CFAP99: variants seen among roughly 807,000 people sequenced by gnomAD.
CFAP99 encodes the protein cilia and flagella associated protein 99.
In CFAP99, 84 loss-of-function variants were observed where a neutral mutation model predicts 82.7. That is an observed-to-expected ratio of 1.02 (90% CI 0.85 to 1.22). The LOEUF is 1.22. Ranked by LOEUF, CFAP99 falls within the 50% of genes most tolerant of loss-of-function variation. The pLI is 0.00. For missense variants in CFAP99, 1,059 were observed against 983.5 expected (o/e 1.08, Z -1.03); for synonymous variants, 456 against 429.5 (o/e 1.06, Z -0.76).
intron 6 of CFAP99, among the ~76,000 whole-genome samples, chr4:2,447,945 A>C (rs868533067): frequency 1.4e-5 from 2 of 147,256 alleles, no homozygotes; most frequent in African/African-American, 5.2e-5. Flanking sequence ...GGATGGATGG[A>C]TGGATGGATG....
intron 4 of CFAP99, among the ~76,000 whole-genome samples, chr4:2,439,508 A>G (rs1379650564): frequency 1.3e-5 from 2 of 152,186 alleles, no homozygotes; most frequent in South Asian, 2.1e-4. Context: ...TTGCAGCCCC[A>G]TAGACCTGGG....
intron 11 of CFAP99, among the ~76,000 whole-genome samples, chr4:2,454,594 G>GTTTTTTTTTTTTTTT (rs1204498727): frequency 1.1e-4 from 9 of 84,524 alleles, no homozygotes; most frequent in East Asian, 4.1e-4. Context: ...TTTTTTTTTT[G>GTTTTTTTTTTTTTTT]TTTTTTTTTT....
intron 11 of CFAP99, 63 bp downstream of exon 11, chr4:2,452,409 C>A: frequency 6.7e-7 from 1 of 1,497,276 alleles, no homozygotes; most frequent in Non-Finnish European, 9.0e-7. Flanking sequence ...CCACCGGGAG[C>A]TGCAGGGCCA....
At position 2,462,890 on chromosome 4, in the gene CFAP99, A is replaced by G; in HGVS notation, c.2109A>G (p.Ser703=). 1 of 1,359,194 alleles carries G rather than the reference A, an allele frequency of 7.4e-7. No individual in the cohort carries two copies. Among genetic ancestry groups the G allele is most frequent in the Non-Finnish European group, 9.5e-7 (1 of 1,057,938 alleles). 84.2% of individuals were successfully genotyped at this position (1,359,194 alleles called of 1,614,324 possible). Residue 703 remains serine, a synonymous_variant, in exon 15 of 15, where the codon TCA becomes TCG. Transcript: ENST00000635017. The surrounding 1 kb of genome is among the most constrained non-coding windows in gnomAD (Gnocchi z 4.1). ...TGCAGGCGCTGCAGCAGGGAGGCTC[A>G]GGACCCGGGCCCGCGCGCCGCCTGG... is the stretch of plus-strand genomic sequence containing the variant.
chr4:2,449,640 C>A, intron 6 of CFAP99, 30 bp from the exon 7 acceptor site: 2 of 1,533,296 alleles, frequency 1.3e-6, no homozygotes, highest in South Asian at 2.4e-5. Flanking sequence ...AGCTGCTGAC[C>A]ATAGGCTCTT....
intron 2 of CFAP99, among the ~76,000 whole-genome samples, chr4:2,436,547 C>T (rs1255279071): frequency 6.6e-6 from 1 of 152,196 alleles, no homozygotes; most frequent in Non-Finnish European, 1.5e-5. Flanking sequence ...CCCGCTGGCC[C>T]CTGGCACTCT....
At chr4:2,460,831 C>T (rs1057471084) in intron 14 of CFAP99, among the ~76,000 whole-genome samples, 4 of 152,140 alleles carry the variant, frequency 2.6e-5, no homozygotes, top group African/African-American at 9.7e-5. Flanking sequence ...CTCACTGCAA[C>T]CTCTGCCTCC....
intron 6 of CFAP99, among the ~76,000 whole-genome samples, chr4:2,447,485 GTGAA>G (rs1194169116): frequency 2.7e-5 from 4 of 148,800 alleles, no homozygotes; most frequent in African/African-American, 9.9e-5. Context: ...GGATGGGTAA[GTGAA>G]TGAATGGATG....
At chr4:2,459,938 G>A (rs1043556960) in intron 13 of CFAP99, 99 bp from the exon 14 acceptor site, 2 of 1,059,912 alleles carry the variant, frequency 1.9e-6, no homozygotes, top group Non-Finnish European at 2.8e-6. Flanking sequence ...GAGGGAAGGT[G>A]GGCAAGGGGT....
intron 13 of CFAP99, 47 bp from the exon 14 acceptor site, chr4:2,459,990 G>A (rs1365418276): frequency 7.9e-6 from 12 of 1,514,158 alleles, no homozygotes; most frequent in Non-Finnish European, 9.7e-6. Flanking sequence ...GGAAGCATCG[G>A]GGCCCAGCAC....
intron 2 of CFAP99, among the ~76,000 whole-genome samples, chr4:2,431,782 G>C (rs575675504): frequency 6.6e-6 from 1 of 151,610 alleles, no homozygotes; most frequent in South Asian, 2.1e-4. Flanking sequence ...CTAGGTTGCA[G>C]TACAGCTCAT....
chr4:2,437,163 C>T lies in CFAP99; in HGVS notation c.256+145C>T, dbSNP rs1201442441. 3 of 993,568 alleles carry T rather than the reference C, an allele frequency of 3.0e-6. No homozygotes were observed. In the East Asian group the frequency reaches 7.8e-5, roughly 26 times the overall value. The allele number at this position is 993,568 out of a possible 1,614,324, so 61.5% of individuals were successfully genotyped here. A position where few individuals can be genotyped will look rare whatever the true frequency, so the allele number is the denominator to read the frequency against. On this transcript the variant is annotated intron_variant, in intron 3 of 14. Coordinates refer to ENST00000635017, the Ensembl canonical transcript of CFAP99. ...CACTGGAGGCTTCCCGGCTCCTCAC[C>T]TCACTTGGTCCTTACCAGGCGGACC...
At chr4:2,451,272 C>T in exon 10 of CFAP99, 1 of 1,536,076 alleles carries the variant, frequency 6.5e-7, no homozygotes, top group East Asian at 2.4e-5. Context: ...AGCCTGACAA[C>T]ATCCTGGTCA....
At chr4:2,435,229 G>A (rs1335453519) in intron 2 of CFAP99, among the ~76,000 whole-genome samples, 2 of 151,280 alleles carry the variant, frequency 1.3e-5, no homozygotes, top group South Asian at 2.1e-4. Context: ...CCCAGGAGGC[G>A]GAGGTTGCAG....
chr4:2,425,223 C>T (rs958256648), intron 1 of CFAP99, among the ~76,000 whole-genome samples: 1 of 152,154 alleles, frequency 6.6e-6, no homozygotes, highest in East Asian at 1.9e-4. Context: ...CCTTGTGCAT[C>T]GTTTTCTCCT....
chr4:2,460,121 A>G lies in CFAP99; in HGVS notation c.1540A>G (p.Lys514Glu), dbSNP rs1734583935. Residue 514 changes from lysine (K) to glutamate (E), a missense_variant, in exon 14 of 15, where the codon AAG (lysine) becomes GAG (glutamate). Coordinates refer to ENST00000635017, the Ensembl canonical transcript of CFAP99. The stretch of plus-strand genomic sequence containing the variant: ...CCTGCTCAAAGAGAATCAGCGGCGC[A>G]AGGAGGAAGAAAAGCGGGATCAAAT... 6.5e-7 allele frequency: 1 copy of G among 1,536,094 alleles called. No individual in the cohort carries two copies. The highest frequency in any genetic ancestry group is 8.7e-7 in the Non-Finnish European group (1 of 1,146,900).
At position 2,462,457 on chromosome 4, in the gene CFAP99, A is replaced by T. The variant is rs561635965; in HGVS notation, c.1676A>T (p.Lys559Met). The T allele has an allele frequency of 1.4e-6, 2 of 1,462,092 alleles. No homozygotes were observed. The highest frequency in any genetic ancestry group is 2.6e-5 in the Admixed American group (1 of 38,274). The allele number at this position is 1,462,092 out of a possible 1,614,324, so 90.6% of individuals were successfully genotyped here. The change falls in exon 15 of 15, where the codon AAG becomes ATG. Residue 559 changes from lysine to methionine, a missense_variant. Physicochemically the swap from Lys to Met is moderately conservative, Grantham distance 95. Transcript: ENST00000635017. This position sits in a 1 kb window ranked among gnomAD's most constrained non-coding sequence, Gnocchi z 4.1. ...TCGCCCGCCAGGTGGGAGGAAAAGA[A>T]GGCCCTTGCGGCGGCCCCGGCGGCG...
intron 14 of CFAP99, among the ~76,000 whole-genome samples, chr4:2,461,985 A>C (rs1164768059): frequency 6.6e-6 from 1 of 151,582 alleles, no homozygotes; most frequent in Non-Finnish European, 1.5e-5. Context: ...TTTTAAAAAA[A>C]TGTTAAGTTT....
intron 11 of CFAP99, among the ~76,000 whole-genome samples, chr4:2,454,532 A>G (rs1056522356): frequency 1.4e-4 from 20 of 147,022 alleles, no homozygotes; most frequent in Non-Finnish European, 2.7e-4. Flanking sequence ...TGGTAAGAAC[A>G]CTTACAATCT....
Sources: allele counts gnomAD v4.1 joint callset (sites outside exome capture counted in the v4.1 genomes callset), GRCh38; gene constraint gnomAD v4.1.1; non-coding constraint Gnocchi (gnomAD v3.1); transcripts MANE v1.5; gene names NCBI Gene and HGNC (gene_info 2026-07-23, HGNC 2026-07-21).